Variants in TTLL2 observed in about 807,000 individuals in gnomAD.
TTLL2 encodes the protein tubulin tyrosine ligase like 2, also known as probable tubulin polyglutamylase TTLL2.
Under a neutral mutation model 7.5 loss-of-function variants are expected in TTLL2, and 10 were observed. The observed-to-expected ratio is 1.33, with a 90% CI of 0.82 to 2.25. The LOEUF is 2.25. TTLL2 is among the 30% of genes most tolerant of loss of function. TTLL2 has a pLI of 0.00. For missense variants in TTLL2, 733 were observed against 735.7 expected (o/e 1.00, Z 0.04); for synonymous variants, 284 against 280.3 (o/e 1.01, Z -0.13).
At chr6:167,339,608 T>C (rs1779042262) in intron 2 of TTLL2, among the ~76,000 whole-genome samples, 1 of 152,288 alleles carries the variant, frequency 6.6e-6, no homozygotes, top group East Asian at 1.9e-4. Flanking sequence ...TGGGGAACCA[T>C]GGTAGGTGCC....
intron 1 of TTLL2, among the ~76,000 whole-genome samples, chr6:167,334,505 C>T (rs1778962121): frequency 6.6e-6 from 1 of 152,058 alleles, no homozygotes; most frequent in African/African-American, 2.4e-5. Context: ...TCCTTGTTGA[C>T]TTTCAAGTCA....
At chr6:167,328,641 G>A (rs1046340075) in intron 1 of TTLL2, among the ~76,000 whole-genome samples, 1 of 152,170 alleles carries the variant, frequency 6.6e-6, no homozygotes, top group African/African-American at 2.4e-5. Context: ...TGAATGGTGG[G>A]TGGTATTTTC....
Position 167,340,095 on chromosome 6 carries a change from C to A in TTLL2, c.205-10C>A. ...CACTCTCCTAACCTTTCTCAATGAT[C>A]CATTTTTAGAAAAAACCTCATTTGA... is the stretch of plus-strand genomic sequence containing the variant. On this transcript the variant is annotated splice_polypyrimidine_tract_variant and intron_variant, in intron 2 of 2. Transcript: ENST00000239587. 1 of 1,558,312 alleles carries A rather than the reference C, an allele frequency of 6.4e-7. No homozygotes were observed. The highest frequency in any genetic ancestry group is 1.3e-5 in the South Asian group (1 of 79,648).
At chr6:167,339,824 A>G (rs908813287) in intron 2 of TTLL2, among the ~76,000 whole-genome samples, 1 of 152,238 alleles carries the variant, frequency 6.6e-6, no homozygotes, top group Non-Finnish European at 1.5e-5. Context: ...AGTATGATAG[A>G]GTATTTGCAA....
chr6:167,341,432 T>C lies in TTLL2; in HGVS notation c.1532T>C (p.Leu511Ser). ...TREMPQSKPK[L>S]RSRHTPHKTL... ...GAGATGCCACAAAGCAAGCCCAAGT[T>C]ACGGAGCAGGCACACGCCTCACAAG... Residue 511 changes from leucine (L) to serine (S), a missense_variant, in exon 3 of 3, where the codon TTA becomes TCA. Transcript: ENST00000239587. 2 of 1,613,934 alleles carry C rather than the reference T, an allele frequency of 1.2e-6. No individual in the cohort carries two copies. Among genetic ancestry groups the C allele is most frequent in the South Asian group, 2.2e-5 (2 of 91,058 alleles).
intron 2 of TTLL2, among the ~76,000 whole-genome samples, chr6:167,339,790 G>A (rs62426141): frequency 6.6e-6 from 1 of 152,212 alleles, no homozygotes; most frequent in South Asian, 2.1e-4. Flanking sequence ...GCAGATATGG[G>A]TCTGCAGGGA....
intron 1 of TTLL2, chr6:167,328,030 T>C (rs758520095): frequency 9.4e-5 from 43 of 456,156 alleles, no homozygotes; most frequent in South Asian, 6.7e-4. Context: ...ATTCCTGGTG[T>C]TGAATCACAT....
Position 167,338,660 on chromosome 6 carries a change from AC to A in TTLL2, c.63del (p.Thr22ProfsTer52). 3 of 1,613,226 alleles carry A rather than the reference AC, an allele frequency of 1.9e-6. No individual in the cohort carries two copies. Among genetic ancestry groups the A allele is most frequent in the Non-Finnish European group, 2.5e-6 (3 of 1,179,500 alleles). On this transcript the variant is annotated frameshift_variant, in exon 2 of 3. Coordinates refer to ENST00000239587, the MANE Select transcript of TTLL2 (RefSeq NM_031949.5). LOFTEE classifies it high-confidence loss of function. ...CTTTGTTCACAGATCTTTGAGAACC[AC>A]CACCCCAGCCTTTACCCTTAACATT... ...QSQALGSLRT[T>X]TPAFTLNIPS...
At chr6:167,325,854 G>T (rs1778841349) in intron 1 of TTLL2, among the ~76,000 whole-genome samples, 1 of 152,132 alleles carries the variant, frequency 6.6e-6, no homozygotes, top group Non-Finnish European at 1.5e-5. Flanking sequence ...GAAACTCAGG[G>T]GCTCTAGGGG....
chr6:167,336,269 G>A (rs892326486), intron 1 of TTLL2, among the ~76,000 whole-genome samples: 1 of 151,974 alleles, frequency 6.6e-6, no homozygotes, highest in Non-Finnish European at 1.5e-5. Context: ...CACCAACAGT[G>A]TATGAGAGTC....
intron 1 of TTLL2, among the ~76,000 whole-genome samples, chr6:167,330,843 G>T (rs6928996): frequency 6.6e-6 from 1 of 151,980 alleles, no homozygotes; most frequent in African/African-American, 2.4e-5. Context: ...AGCGTTTGGG[G>T]TGGAGGCTCA....
Position 167,340,215 on chromosome 6 carries a change from GA to G in TTLL2, c.316del (p.Arg106GlyfsTer27). The G allele has an allele frequency of 1.2e-6, 2 of 1,614,126 alleles. No homozygotes were observed. Among genetic ancestry groups the G allele is most frequent in the Non-Finnish European group, 1.7e-6 (2 of 1,180,022 alleles). On this transcript the variant is annotated frameshift_variant, in exon 3 of 3. Coordinates refer to ENST00000239587, the MANE Select transcript of TTLL2 (RefSeq NM_031949.5). LOFTEE classifies it low-confidence loss of function (END_TRUNC). The part of the protein sequence containing the change: ...PAVVQSVLLE[R>X]GWNKFDKQEQ... The stretch of plus-strand genomic sequence containing the variant: ...CTGTGGTGCAAAGCGTCCTCCTGGA[GA>G]GGGGGTGGAATAAGTTTGATAAGCA...
rs937590405 is a variant in TTLL2, at chr6:167,342,069, T to C, written c.*390T>C. 16 of 162,102 alleles carry C rather than the reference T, an allele frequency of 9.9e-5. No homozygotes were observed. The highest frequency in any genetic ancestry group is 3.4e-4 in the African/African-American group (14 of 41,746). The allele number at this position is 162,102 out of a possible 1,614,324, so 10.0% of individuals were successfully genotyped here. The stretch of plus-strand genomic sequence containing the variant: ...TACAAAAGAAGCCAGGAGTTAACTT[T>C]CTGTGTGTTTTTTTTTAAATCAACC... On this transcript the variant is annotated 3_prime_UTR_variant, in exon 3 of 3. Transcript: ENST00000239587.
chr6:167,339,526 CA>C (rs1779040738), intron 2 of TTLL2, among the ~76,000 whole-genome samples: 1 of 152,032 alleles, frequency 6.6e-6, no homozygotes, highest in African/African-American at 2.4e-5. Flanking sequence ...CACTAATAAC[CA>C]CTTATTTGAG....
At chr6:167,334,507 T>TTCAAG (rs1323493198) in intron 1 of TTLL2, among the ~76,000 whole-genome samples, 2 of 152,080 alleles carry the variant, frequency 1.3e-5, no homozygotes, top group African/African-American at 4.8e-5. Flanking sequence ...CTTGTTGACT[T>TTCAAG]TCAAGTCAAC....
Position 167,338,739 on chromosome 6 carries a change from T to C in TTLL2, c.140T>C (p.Leu47Pro). ...CCGCCTGCAGGCCTGGGAGCAAGGC[T>C]ACAGGAAGCAGGTGTTTCCATCCCT... ...EQPPAGLGAR[L>P]QEAGVSIPPR... The change falls in exon 2 of 3, where the codon CTA (leucine) becomes CCA (proline). Residue 47 changes from leucine to proline, a missense_variant. By Grantham distance (98) the Leu-to-Pro change is moderately conservative. Coordinates refer to ENST00000239587, the MANE Select transcript of TTLL2 (RefSeq NM_031949.5). The C allele has an allele frequency of 6.2e-7, 1 of 1,614,030 alleles. No homozygotes were observed.
rs1387854824 is a variant in TTLL2, at chr6:167,341,443, C to A, written c.1543C>A (p.His515Asn). ...PQSKPKLRSR[H>N]TPHKTLMPYA... ...AAGCAAGCCCAAGTTACGGAGCAGG[C>A]ACACGCCTCACAAGACACTCATGCC... The change falls in exon 3 of 3, where the codon CAC becomes AAC. Residue 515 changes from histidine (H) to asparagine (N), a missense_variant. Coordinates refer to ENST00000239587, the MANE Select transcript of TTLL2 (RefSeq NM_031949.5). 1.9e-6 allele frequency: 3 copies of A among 1,614,062 alleles called. No homozygotes were observed. The highest frequency in any genetic ancestry group is 2.2e-5 in the East Asian group (1 of 44,858).
chr6:167,334,634 G>A (rs1778963596), intron 1 of TTLL2, among the ~76,000 whole-genome samples: 1 of 138,104 alleles, frequency 7.2e-6, no homozygotes, highest in Non-Finnish European at 1.5e-5. Context: ...ATAGATCAAT[G>A]GAACAGAACA....
In TTLL2 at chr6:167,342,100, T is replaced by C. The variant is rs997628452; in HGVS notation, c.*421T>C. Among the ~76,000 whole-genome samples, 2 of 152,222 alleles carry C rather than the reference T, an allele frequency of 1.3e-5. No individual in the cohort carries two copies. Among genetic ancestry groups the C allele is most frequent in the African/African-American group, 4.8e-5 (2 of 41,434 alleles). On this transcript the variant is annotated 3_prime_UTR_variant, in exon 3 of 3. Transcript: ENST00000239587. ...TGTTTTTTTTTAAATCAACCAGTTA[T>C]TTGTTAAAATTATTTTGTTAACTTA...
Sources: gnomAD v4.1 joint callset for allele counts (sites outside exome capture counted in the v4.1 genomes callset) on GRCh38, gnomAD v4.1.1 for gene constraint, MANE v1.5 for transcripts, NCBI Gene and HGNC (gene_info 2026-07-23, HGNC 2026-07-21) for gene names.